Variants in GOLM2 observed in about 807,000 individuals in gnomAD.
GOLM2 encodes the protein protein GOLM2.
A neutral mutation model predicts 55.9 loss-of-function variants in GOLM2; 26 were observed. That is an observed-to-expected ratio of 0.47 (90% CI 0.34 to 0.65). The LOEUF is 0.65. GOLM2 is among the 30% of genes least tolerant of loss of function. The pLI is 0.01. For missense variants in GOLM2, 486 were observed against 531.8 expected, an observed-to-expected ratio of 0.91 and a Z score of 0.85; for synonymous variants, 165 against 194.6, an observed-to-expected ratio of 0.85 and a Z score of 1.27.
At chr15:44,390,257 T>C (rs144752881) in intron 8 of GOLM2, 6 of 152,324 alleles carry the variant, frequency 3.9e-5, no homozygotes, top group Non-Finnish European at 8.8e-5. Context: ...TCTTCCAAAA[T>C]AGTTGAAACT....
intron 8 of GOLM2, among the ~76,000 whole-genome samples, chr15:44,399,255 G>T (rs1021529057): frequency 2.0e-5 from 3 of 152,112 alleles, no homozygotes; most frequent in African/African-American, 7.2e-5. Flanking sequence ...AATGTTTAAT[G>T]CAAAGTTTGT....
rs1025857846 is a variant in GOLM2 at position 44,332,332 on chromosome 15, G to A, written c.576+254G>A. On this transcript the variant is annotated intron_variant, in intron 4 of 9. Coordinates refer to ENST00000299957, the MANE Select transcript of GOLM2 (RefSeq NM_138423.4). ...AGCACTTTGGGAGGCTGAGGCGGGC[G>A]GCTCACTCGAGGTCAGGAGTTCAAG... 9.2e-5 allele frequency among the ~76,000 whole-genome samples: 14 copies of A among 152,186 alleles called. No homozygotes were observed. In the East Asian group the frequency reaches 2.5e-3, roughly 27 times the overall value.
At chr15:44,342,032 T>C (rs2079093749) in intron 6 of GOLM2, among the ~76,000 whole-genome samples, 1 of 152,078 alleles carries the variant, frequency 6.6e-6, no homozygotes, top group African/African-American at 2.4e-5. Context: ...ATAGCGCTAC[T>C]TTTGATGAGA....
chr15:44,324,172 G>A (rs1595626006), intron 2 of GOLM2, among the ~76,000 whole-genome samples: 3 of 152,104 alleles, frequency 2.0e-5, no homozygotes, highest in African/African-American at 7.2e-5. Context: ...AATACTATTA[G>A]GGCTTATTAA....
intron 8 of GOLM2, among the ~76,000 whole-genome samples, chr15:44,385,714 T>A (rs1206636608): frequency 6.6e-6 from 1 of 151,870 alleles, no homozygotes; most frequent in Non-Finnish European, 1.5e-5. Flanking sequence ...GTCTGGCTAG[T>A]GTATGTATTT....
intron 6 of GOLM2, among the ~76,000 whole-genome samples, chr15:44,370,081 T>G (rs1485242971): frequency 6.6e-6 from 1 of 152,102 alleles, no homozygotes; most frequent in East Asian, 1.9e-4. Flanking sequence ...CCTTTTCTCG[T>G]TTTTCTGCCT....
At chr15:44,338,216 A>G (rs1426736530) in intron 5 of GOLM2, 21 bp from the exon 6 acceptor site, 5 of 1,600,636 alleles carry the variant, frequency 3.1e-6, no homozygotes, top group Non-Finnish European at 8.5e-7. Context: ...ATAGAATTCT[A>G]TCTTTTTGTT....
At chr15:44,357,639 A>G (rs1368153636) in intron 6 of GOLM2, among the ~76,000 whole-genome samples, 1 of 152,228 alleles carries the variant, frequency 6.6e-6, no homozygotes, top group East Asian at 1.9e-4. Flanking sequence ...ATTATCTTAT[A>G]TGTAGAAGAC....
chr15:44,407,596 G>A (rs1344126957), intron 9 of GOLM2, among the ~76,000 whole-genome samples: 2 of 151,436 alleles, frequency 1.3e-5, no homozygotes, highest in African/African-American at 2.4e-5. Context: ...TTTTTGCCCC[G>A]AATTCTTGCT....
At chr15:44,320,056 G>A (rs1463403525) in intron 1 of GOLM2, among the ~76,000 whole-genome samples, 3 of 152,108 alleles carry the variant, frequency 2.0e-5, no homozygotes, top group African/African-American at 7.2e-5. Context: ...GAAACCTTGT[G>A]CTCAACAAAA....
At chr15:44,342,855 G>C (rs1292084394) in intron 6 of GOLM2, among the ~76,000 whole-genome samples, 1 of 152,122 alleles carries the variant, frequency 6.6e-6, no homozygotes, top group East Asian at 1.9e-4. Context: ...GTGAGACAAT[G>C]GTCTCTGGAG....
chr15:44,320,510 G>A (rs1432139574), intron 1 of GOLM2, among the ~76,000 whole-genome samples: 1 of 151,832 alleles, frequency 6.6e-6, no homozygotes, highest in African/African-American at 2.4e-5. Flanking sequence ...TCACTGTGTT[G>A]GCCAGGCTGG....
chr15:44,364,021 C>T (rs912703476), intron 6 of GOLM2, among the ~76,000 whole-genome samples: 12 of 150,522 alleles, frequency 8.0e-5, no homozygotes, highest in Admixed American at 7.3e-4. Context: ...GGAAGGGGAA[C>T]ATCACACTCT....
chr15:44,383,270 T>C (rs76958177), intron 8 of GOLM2, among the ~76,000 whole-genome samples: 14,962 of 152,036 alleles, frequency 0.098, 1,565 homozygotes, highest in African/African-American at 0.25. Flanking sequence ...ATTTTTTTTC[T>C]CCAGTTATTT....
At chr15:44,364,728 T>C (rs1170742399) in intron 6 of GOLM2, among the ~76,000 whole-genome samples, 1 of 151,412 alleles carries the variant, frequency 6.6e-6, no homozygotes, top group Non-Finnish European at 1.5e-5. Context: ...AACAACTTGA[T>C]TAAAAAATGG....
intron 3 of GOLM2, 127 bp downstream of exon 3, chr15:44,328,914 T>C: frequency 5.4e-6 from 3 of 558,616 alleles, no homozygotes; most frequent in Non-Finnish European, 6.0e-6. Context: ...GTTAAGCCTT[T>C]TAAATTCCTT....
At chr15:44,407,849 T>G (rs1383952888) in intron 9 of GOLM2, among the ~76,000 whole-genome samples, 1 of 151,814 alleles carries the variant, frequency 6.6e-6, no homozygotes, top group Non-Finnish European at 1.5e-5. Flanking sequence ...CCTCCCAGGT[T>G]CAAGCAATTC....
At chr15:44,305,235 A>C (rs1360009875) in intron 1 of GOLM2, among the ~76,000 whole-genome samples, 1 of 152,098 alleles carries the variant, frequency 6.6e-6, no homozygotes, top group Non-Finnish European at 1.5e-5. Context: ...CCTAGGCCCA[A>C]GCAATTTGCC....
At chr15:44,402,277 A>T (rs1567044628) in intron 8 of GOLM2, among the ~76,000 whole-genome samples, 1 of 150,876 alleles carries the variant, frequency 6.6e-6, no homozygotes, top group Non-Finnish European at 1.5e-5. Context: ...TTTTTTTTTT[A>T]AACCACTAGG....
Sources: allele counts gnomAD v4.1 joint callset (sites outside exome capture counted in the v4.1 genomes callset), GRCh38; gene constraint gnomAD v4.1.1; transcripts MANE v1.5; gene names NCBI Gene and HGNC (gene_info 2026-07-23, HGNC 2026-07-21).